ALOX5: variants seen among roughly 807,000 people sequenced by gnomAD.
The protein encoded by ALOX5 is arachidonate 5-lipoxygenase, also known as polyunsaturated fatty acid 5-lipoxygenase.
In ALOX5, 64 loss-of-function variants were observed where a neutral mutation model predicts 87.9. That is an observed-to-expected ratio of 0.73 (90% CI 0.60 to 0.90). The LOEUF is 0.90. ALOX5 is among the 40% of genes least tolerant of loss of function. The probability of loss-of-function intolerance (pLI) is 0.00; values close to 1 mark genes in which losing one functional copy is unlikely to be tolerated. For synonymous variants in ALOX5, 388 were observed against 355.1 expected, an observed-to-expected ratio of 1.09 and a Z score of -1.04; for missense variants, 822 against 907.5, an observed-to-expected ratio of 0.91 and a Z score of 1.21.
intron 7 of ALOX5, among the ~76,000 whole-genome samples, chr10:45,432,232 T>C (rs993158873): frequency 1.3e-5 from 2 of 151,396 alleles, no homozygotes; most frequent in African/African-American, 4.9e-5. Flanking sequence ...TGGTGGCGCA[T>C]GCCTGTAATC....
chr10:45,408,192 G>A (rs963176035), intron 3 of ALOX5, among the ~76,000 whole-genome samples: 1 of 152,140 alleles, frequency 6.6e-6, no homozygotes, highest in African/African-American at 2.4e-5. Flanking sequence ...TATTTGAAAA[G>A]ACTTATTCTG....
At position 45,390,998 on chromosome 10, in the gene ALOX5, C is replaced by CTCTCCCA. The variant is rs1381225455; in HGVS notation, c.350-4851_350-4850insATCTCCC. On this transcript the variant is annotated intron_variant, in intron 2 of 13. Coordinates refer to ENST00000374391, the MANE Select transcript of ALOX5 (RefSeq NM_000698.5). Reference sequence around the variant, plus strand: ...ATCAGCTCTCCCTCTCCCCTCTCCCCTCTCCCCTCTCTCCTCTCCCATCTC... The same window carrying CTCTCCCA: ...ATCAGCTCTCCCTCTCCCCTCTCCCCTCTCCCATCTCCCCTCTCTCCTCTCCCATCTC... Among the ~76,000 whole-genome samples the CTCTCCCA allele has an allele frequency of 2.4e-3, 132 of 55,170 alleles. 3 individuals carry two copies. Among genetic ancestry groups the CTCTCCCA allele is most frequent in the African/African-American group, 0.011 (115 of 10,614 alleles). 36.2% of individuals were successfully genotyped at this position (55,170 alleles called of 152,430 possible). A position where few individuals can be genotyped will look rare whatever the true frequency, so the allele number is the denominator to read the frequency against.
At position 45,445,696 on chromosome 10, in the gene ALOX5, C is replaced by T. The variant is rs200643631; in HGVS notation, c.*9C>T. On this transcript the variant is annotated 3_prime_UTR_variant, in exon 14 of 14. Coordinates refer to ENST00000374391, the MANE Select transcript of ALOX5 (RefSeq NM_000698.5). ...ACAGTGTGGCCATCTGAGCACACTG[C>T]CAGTCTCACTGTGGGAAGGCCAGCT... is the stretch of plus-strand genomic sequence containing the variant. The T allele has an allele frequency of 4.1e-4, 663 of 1,599,800 alleles. 5 individuals carry two copies. The South Asian group carries it at 6.8e-3, about 16-fold the overall frequency.
rs558655706 is a variant in ALOX5, at chr10:45,411,237, T to C, written c.432-954T>C. Among the ~76,000 whole-genome samples, 3 of 152,108 alleles carry C rather than the reference T, an allele frequency of 2.0e-5. No individual in the cohort carries two copies. The South Asian group carries it at 6.2e-4, about 32-fold the overall frequency. On this transcript the variant is annotated intron_variant, in intron 3 of 13. Coordinates refer to ENST00000374391, the MANE Select transcript of ALOX5 (RefSeq NM_000698.5). ...TCATCACCATCTTAGTTTTGTTGGG[T>C]TTTGGCCGGCTTCTTTACCACAACC...
chr10:45,409,418 C>T (rs1840985967), intron 3 of ALOX5, among the ~76,000 whole-genome samples: 1 of 152,174 alleles, frequency 6.6e-6, no homozygotes, highest in Non-Finnish European at 1.5e-5. Flanking sequence ...CTATTGAAGT[C>T]TTCATTCAGA....
At chr10:45,394,314 A>G (rs1840416473) in intron 2 of ALOX5, among the ~76,000 whole-genome samples, 2 of 152,242 alleles carry the variant, frequency 1.3e-5, no homozygotes, top group African/African-American at 2.4e-5. Flanking sequence ...ATCTACAACC[A>G]TCTGATCTTT....
chr10:45,416,875 T>C (rs775244822), intron 4 of ALOX5, among the ~76,000 whole-genome samples: 1 of 151,104 alleles, frequency 6.6e-6, no homozygotes, highest in Admixed American at 6.6e-5. Flanking sequence ...GGTGGATGGA[T>C]TGATGGGTGG....
chr10:45,412,743 G>A (rs555059400), intron 4 of ALOX5, among the ~76,000 whole-genome samples: 7 of 152,252 alleles, frequency 4.6e-5, no homozygotes, highest in Admixed American at 2.0e-4. Context: ...ACAACCCCAC[G>A]AGGGAGCCAC....
In ALOX5 at chr10:45,445,491, C is replaced by G; in HGVS notation, c.1846-17C>G. 1.2e-6 allele frequency: 2 copies of G among 1,609,346 alleles called. No homozygotes were observed. Among genetic ancestry groups the G allele is most frequent in the Non-Finnish European group, 1.7e-6 (2 of 1,176,216 alleles). On this transcript the variant is annotated splice_polypyrimidine_tract_variant and intron_variant, in intron 13 of 13. Transcript: ENST00000374391. ...TAGTGGATTGACCTATGTGTGTGTCCATGTCTGGGCCCTCAGCTGTTCCTG... is the reference window on the plus strand; with the variant it reads ...TAGTGGATTGACCTATGTGTGTGTCGATGTCTGGGCCCTCAGCTGTTCCTG...
chr10:45,385,750 G>A (rs889371010), intron 2 of ALOX5, among the ~76,000 whole-genome samples: 1 of 152,138 alleles, frequency 6.6e-6, no homozygotes, highest in Non-Finnish European at 1.5e-5. Context: ...CCTCCTGGCT[G>A]GCTTTACATC....
intron 1 of ALOX5, among the ~76,000 whole-genome samples, chr10:45,376,735 G>C (rs1839628421): frequency 6.6e-6 from 1 of 152,148 alleles, no homozygotes; most frequent in African/African-American, 2.4e-5. Context: ...TAATGGACAG[G>C]ACTGATTTTT....
intron 7 of ALOX5, among the ~76,000 whole-genome samples, chr10:45,439,244 G>A (rs1248068061): frequency 6.6e-6 from 1 of 151,930 alleles, no homozygotes; most frequent in African/African-American, 2.4e-5. Flanking sequence ...TATGTCTATT[G>A]GACAGCACTG....
chr10:45,431,780 GCCAGGCTGGTCTC>G (rs1226486848), intron 7 of ALOX5, among the ~76,000 whole-genome samples: 2 of 151,934 alleles, frequency 1.3e-5, no homozygotes, highest in Admixed American at 6.6e-5. Context: ...CACCATGTTG[GCCAGGCTGGTCTC>G]GAACTCCTGA....
intron 2 of ALOX5, among the ~76,000 whole-genome samples, chr10:45,391,447 C>G (rs1272207619): frequency 6.6e-6 from 1 of 152,158 alleles, no homozygotes; most frequent in Non-Finnish European, 1.5e-5. Flanking sequence ...TCGCTACAAC[C>G]TCCACCTCCC....
At chr10:45,407,669 A>T (rs1840932385) in intron 3 of ALOX5, among the ~76,000 whole-genome samples, 1 of 152,200 alleles carries the variant, frequency 6.6e-6, no homozygotes, top group Admixed American at 6.6e-5. Context: ...ACATAAGATG[A>T]CATAAACAAA....
chr10:45,443,468 G>T lies in ALOX5; in HGVS notation c.1504G>T (p.Glu502Ter). 1 of 1,612,880 alleles carries T rather than the reference G, an allele frequency of 6.2e-7. No individual in the cohort carries two copies. The highest frequency in any genetic ancestry group is 8.5e-7 in the Non-Finnish European group (1 of 1,179,488). ...IYYEGDQVVEEDPELQDFVND... is the reference protein window; with the variant it reads ...IYYEGDQVVE The stretch of plus-strand genomic sequence containing the variant: ...CTACGAGGGCGACCAGGTGGTGGAG[G>T]AGGACCCGGAGCTGCAGGACTTCGT... Residue 502 changes from glutamate to a stop codon, truncating the protein, a stop_gained, in exon 11 of 14, where the codon GAG (glutamate) becomes TAG (stop). Coordinates refer to ENST00000374391, the MANE Select transcript of ALOX5 (RefSeq NM_000698.5). LOFTEE classifies it high-confidence loss of function.
intron 2 of ALOX5, 38 bp from the exon 3 acceptor site, chr10:45,395,817 C>T: frequency 6.3e-7 from 1 of 1,589,286 alleles, no homozygotes; most frequent in Non-Finnish European, 8.6e-7. Flanking sequence ...TGTTATTGTT[C>T]TTCCTCAGGC....
chr10:45,412,573 T>C (rs1185860977), intron 4 of ALOX5, among the ~76,000 whole-genome samples: 1 of 152,194 alleles, frequency 6.6e-6, no homozygotes, highest in East Asian at 1.9e-4. Flanking sequence ...GGGTCTTTAG[T>C]TGGAATGCCT....
intron 7 of ALOX5, among the ~76,000 whole-genome samples, chr10:45,434,489 G>A (rs540291148): frequency 5.9e-5 from 9 of 152,318 alleles, no homozygotes; most frequent in Admixed American, 1.3e-4. Context: ...ATGTTGAGGC[G>A]TCTTTGAAAG....
Sources: gnomAD v4.1 joint callset for allele counts (sites outside exome capture counted in the v4.1 genomes callset) on GRCh38, gnomAD v4.1.1 for gene constraint, MANE v1.5 for transcripts, NCBI Gene and HGNC (gene_info 2026-07-23, HGNC 2026-07-21) for gene names.